The following RYR1 variants were observed in gnomAD, a reference collection of about 807,000 sequenced individuals.
The protein encoded by RYR1 is central core disease of muscle.
Under a neutral mutation model 583.5 loss-of-function variants are expected in RYR1, and 342 were observed. That is an observed-to-expected ratio of 0.59 (90% CI 0.54 to 0.64). RYR1 has a LOEUF of 0.64. Ranked by LOEUF, RYR1 falls within the 30% of genes least tolerant of loss-of-function variation. RYR1 has a pLI of 0.00. For synonymous variants in RYR1, 2,791 were observed against 2,822.5 expected (o/e 0.99, Z 0.35); for missense variants, 6,032 against 6,917.2 (o/e 0.87, Z 4.54).
chr19:38,543,451 G>C lies in RYR1; in HGVS notation c.11778+16G>C, dbSNP rs756806232. Reference sequence around the variant, plus strand: ...GCGGCTGCAGGTGAGGACGTGAGACGGTTCAGGTGTGACTTGGGTCGGGGG... The same window carrying C: ...GCGGCTGCAGGTGAGGACGTGAGACCGTTCAGGTGTGACTTGGGTCGGGGG... On this transcript the variant is annotated intron_variant, in intron 85 of 105. Transcript: ENST00000359596. The surrounding 1 kb of genome is among the most constrained non-coding windows in gnomAD (Gnocchi z 4.4). The C allele has an allele frequency of 7.4e-6, 12 of 1,614,204 alleles. No homozygotes were observed. The South Asian group carries it at 1.3e-4, about 18-fold the overall frequency.
rs931596239 is a variant in RYR1, at chr19:38,577,905, C to G, written c.14173-13C>G. On this transcript the variant is annotated splice_polypyrimidine_tract_variant and intron_variant, in intron 97 of 105. Coordinates refer to ENST00000359596, the MANE Select transcript of RYR1 (RefSeq NM_000540.3). The stretch of plus-strand genomic sequence containing the variant: ...CCAGCTGTGTCTACACAGCCTGATG[C>G]TCTCTTGTGCAGGTCCTGGACAAAC... 4 of 1,614,098 alleles carry G rather than the reference C, an allele frequency of 2.5e-6. No homozygotes were observed. Among genetic ancestry groups the G allele is most frequent in the Non-Finnish European group, 3.4e-6 (4 of 1,180,018 alleles).
intron 70 of RYR1, among the ~76,000 whole-genome samples, chr19:38,525,024 C>T (rs1907103791): frequency 6.6e-6 from 1 of 152,142 alleles, no homozygotes. Context: ...AGGAGGATCA[C>T]TTGAAGCCAA....
At chr19:38,532,952 T>C (rs911339487) in intron 78 of RYR1, among the ~76,000 whole-genome samples, 2 of 151,586 alleles carry the variant, frequency 1.3e-5, no homozygotes, top group Non-Finnish European at 2.9e-5. Flanking sequence ...AGGGCTGGAA[T>C]TGGGGAGGCT....
In RYR1 at chr19:38,511,410, C is replaced by T. The variant is rs1247949224; in HGVS notation, c.9123-151C>T. The T allele has an allele frequency of 2.0e-5, 16 of 790,556 alleles. No homozygotes were observed. In the East Asian group the frequency reaches 4.1e-4, roughly 20 times the overall value. The allele number at this position is 790,556 out of a possible 1,614,324, so 49.0% of individuals were successfully genotyped here. The stretch of plus-strand genomic sequence containing the variant: ...TGCCCATCTCTCTGCCCCTTCCCAT[C>T]CCTCCTGTCTCCATCATTTGGACCC... On this transcript the variant is annotated intron_variant, in intron 60 of 105. Coordinates refer to ENST00000359596, the MANE Select transcript of RYR1 (RefSeq NM_000540.3).
At chr19:38,530,098 C>T (rs530277609) in intron 76 of RYR1, among the ~76,000 whole-genome samples, 16 of 152,038 alleles carry the variant, frequency 1.1e-4, no homozygotes, top group Non-Finnish European at 1.8e-4. Context: ...GGATTACAGG[C>T]GCCCACCACT....
rs1321488537 is a variant in RYR1, at chr19:38,535,364, A to C, written c.11488A>C (p.Ser3830Arg). 6.2e-7 allele frequency: 1 copy of C among 1,614,130 alleles called. No homozygotes were observed. Reference protein sequence around the residue: ...KDKKEVGFFQSIQALMQTCSV... With the variant: ...KDKKEVGFFQRIQALMQTCSV... ...CAAGAAGGAAGTTGGCTTCTTCCAGAGTATCCAGGCACTGATGCAAACATG... is the reference window on the plus strand; with the variant it reads ...CAAGAAGGAAGTTGGCTTCTTCCAGCGTATCCAGGCACTGATGCAAACATG... Residue 3830 changes from serine to arginine, a missense_variant, in exon 81 of 106, where the codon AGT becomes CGT. By Grantham distance (110) the Ser-to-Arg change is moderately radical. Around this residue, in one of 11 missense-constraint regions of RYR1, gnomAD observed 1,493 missense variants for 1,715.5 expected, o/e 0.87. Coordinates refer to ENST00000359596, the MANE Select transcript of RYR1 (RefSeq NM_000540.3).
intron 19 of RYR1, among the ~76,000 whole-genome samples, 176 bp downstream of exon 19, chr19:38,459,514 C>G (rs751916186): frequency 2.0e-5 from 3 of 152,144 alleles, no homozygotes; most frequent in Non-Finnish European, 4.4e-5. Flanking sequence ...TGACTCCAGA[C>G]TCTTTCCAAT....
intron 1 of RYR1, among the ~76,000 whole-genome samples, chr19:38,435,529 T>G (rs1036242247): frequency 6.6e-6 from 1 of 152,022 alleles, no homozygotes; most frequent in Non-Finnish European, 1.5e-5. Flanking sequence ...GTCAGGAGTT[T>G]GAGACCAGCC....
chr19:38,486,261 A>C, intron 34 of RYR1, 59 bp downstream of exon 34: 1 of 1,605,006 alleles, frequency 6.2e-7, no homozygotes, highest in Non-Finnish European at 8.5e-7. Flanking sequence ...CCAAAACTCC[A>C]GAGATACATG....
chr19:38,585,468 A>G (rs1974440613), intron 102 of RYR1, among the ~76,000 whole-genome samples: 1 of 148,184 alleles, frequency 6.7e-6, no homozygotes. Context: ...GTGTCTATAT[A>G]TATATATGTA....
rs555757957 is a variant in RYR1, at chr19:38,485,461, G to A, written c.4935-129G>A. ...GGGTGAATTGATAGATGGAATGGTA[G>A]GGGTTTGAAGGAAAGACGAATGAAT... is the stretch of plus-strand genomic sequence containing the variant. On this transcript the variant is annotated intron_variant, in intron 33 of 105. Coordinates refer to ENST00000359596, the MANE Select transcript of RYR1 (RefSeq NM_000540.3). The A allele has an allele frequency of 1.3e-5, 17 of 1,265,736 alleles. No individual in the cohort carries two copies. The African/African-American group carries it at 2.3e-4, about 17-fold the overall frequency. The allele number at this position is 1,265,736 out of a possible 1,614,324, so 78.4% of individuals were successfully genotyped here.
chr19:38,505,582 G>A (rs1970407030), intron 53 of RYR1, among the ~76,000 whole-genome samples, 184 bp downstream of exon 53: 1 of 152,190 alleles, frequency 6.6e-6, no homozygotes, highest in Non-Finnish European at 1.5e-5. Flanking sequence ...GAGAGAGTGG[G>A]TTTGATTCCT....
At chr19:38,586,343 C>T (rs1599677653) in intron 104 of RYR1, 152 bp downstream of exon 104, 2 of 1,100,746 alleles carry the variant, frequency 1.8e-6, no homozygotes, top group African/African-American at 1.6e-5. Context: ...GGGTGGGGCC[C>T]CGCAAGATGG....
At chr19:38,545,101 G>A (rs1972367191) in intron 87 of RYR1, among the ~76,000 whole-genome samples, 1 of 151,946 alleles carries the variant, frequency 6.6e-6, no homozygotes, top group African/African-American at 2.4e-5. Flanking sequence ...GATTCTCTCT[G>A]ACTAGCCTAT....
rs769054388 is a variant in RYR1 at position 38,517,535 on chromosome 19, G to A, written c.9862G>A (p.Gly3288Arg). The A allele has an allele frequency of 1.9e-5, 31 of 1,613,868 alleles. No homozygotes were observed. The East Asian group carries it at 2.0e-4, about 10-fold the overall frequency. The stretch of plus-strand genomic sequence containing the variant: ...CTACCTGCCCCGATGGTGGGAGCGC[G>A]GGCCCGAGGCACCCCCTTCCGCCCT... ...CSYLPRWWERGPEAPPSALPA... is the reference protein window; with the variant it reads ...CSYLPRWWERRPEAPPSALPA... The change falls in exon 66 of 106, where the codon GGG becomes AGG. Residue 3288 changes from glycine to arginine, a missense_variant. Gly to Arg is a moderately radical substitution (Grantham distance 125, BLOSUM62 -2). Coordinates refer to ENST00000359596, the MANE Select transcript of RYR1 (RefSeq NM_000540.3).
chr19:38,532,635 G>A (rs750649666), intron 77 of RYR1, 36 bp from the exon 78 acceptor site: 165 of 1,613,866 alleles, frequency 1.0e-4, no homozygotes, highest in Non-Finnish European at 1.3e-4. Context: ...GGAGGGGTCT[G>A]CTTTGTTCAT....
In RYR1 at chr19:38,494,594, C is replaced by T. The variant is rs1486865637; in HGVS notation, c.6517C>T (p.Gln2173Ter). The change falls in exon 39 of 106, where the codon CAG (glutamine) becomes TAG (stop). Residue 2173 changes from glutamine (Q) to a stop codon, truncating the protein, a stop_gained. Coordinates refer to ENST00000359596, the MANE Select transcript of RYR1 (RefSeq NM_000540.3). LOFTEE classifies it high-confidence loss of function. The stretch of plus-strand genomic sequence containing the variant: ...GCTGCTCATCGTGCAGATGGGCCCC[C>T]AGGAGGAGAACCTCATGATCCAGAG... ...RSLLIVQMGP[Q>*]EENLMIQSIG... 6.2e-7 allele frequency: 1 copy of T among 1,614,156 alleles called. No individual in the cohort carries two copies. Among genetic ancestry groups the T allele is most frequent in the Non-Finnish European group, 8.5e-7 (1 of 1,180,036 alleles).
At chr19:38,503,117 A>G in intron 49 of RYR1, 147 bp downstream of exon 49, 2 of 785,000 alleles carry the variant, frequency 2.5e-6, no homozygotes, top group Admixed American at 4.0e-5. Flanking sequence ...GAAATCTCTT[A>G]GCATCCTTAT....
Position 38,473,686 on chromosome 19 carries a change from G to A in RYR1, c.4075G>A (p.Gly1359Ser), listed in dbSNP as rs1291420171. ...EGTAKEGAPGGTPQAGGEAQP... is the reference protein window; with the variant it reads ...EGTAKEGAPGSTPQAGGEAQP... ...GACTGCGAAGGAGGGCGCCCCCGGG[G>A]GCACCCCGCAGGCGGGGGGAGAGGC... Residue 1359 changes from glycine (G) to serine (S), a missense_variant, in exon 28 of 106, where the codon GGC becomes AGC. This residue lies in a region of RYR1 where 2,627 missense variants were observed against 2,961.3 expected (regional missense o/e 0.89). Coordinates refer to ENST00000359596, the MANE Select transcript of RYR1 (RefSeq NM_000540.3). 6.4e-7 allele frequency: 1 copy of A among 1,550,470 alleles called. No homozygotes were observed. The highest frequency in any genetic ancestry group is 2.0e-5 in the Admixed American group (1 of 50,996).
Sources: allele counts gnomAD v4.1 joint callset (sites outside exome capture counted in the v4.1 genomes callset), GRCh38; gene constraint gnomAD v4.1.1; regional missense constraint gnomAD v4.1.1; non-coding constraint Gnocchi (gnomAD v3.1); transcripts MANE v1.5; gene names NCBI Gene and HGNC (gene_info 2026-07-23, HGNC 2026-07-21).